Variants in ELOVL7 observed in about 807,000 individuals in gnomAD.
ELOVL7 encodes very long chain fatty acid elongase 7.
Under a neutral mutation model 35.7 loss-of-function variants are expected in ELOVL7, and 27 were observed. The ratio of observed to expected loss-of-function variants is 0.76; its 90% confidence interval spans 0.56 to 1.04. The LOEUF is 1.04. ELOVL7 is among the 50% of genes least tolerant of loss of function. ELOVL7 has a pLI of 0.00. For missense variants in ELOVL7, 327 were observed against 340.8 expected (o/e 0.96, Z 0.32); for synonymous variants, 113 against 114.6 (o/e 0.99, Z 0.09).
chr5:60,802,264 T>G (rs1744689976), intron 1 of ELOVL7, among the ~76,000 whole-genome samples: 2 of 152,000 alleles, frequency 1.3e-5, no homozygotes, highest in African/African-American at 2.4e-5. Flanking sequence ...ATATCCCTTA[T>G]GTCAGTGGTT....
At chr5:60,795,607 T>C (rs1335286535) in intron 2 of ELOVL7, among the ~76,000 whole-genome samples, 1 of 152,216 alleles carries the variant, frequency 6.6e-6, no homozygotes, top group Non-Finnish European at 1.5e-5. Flanking sequence ...AGCTGAACTT[T>C]CGCTCACCAT....
At chr5:60,783,104 C>T (rs1235884599) in intron 3 of ELOVL7, among the ~76,000 whole-genome samples, 1 of 152,126 alleles carries the variant, frequency 6.6e-6, no homozygotes, top group Non-Finnish European at 1.5e-5. Flanking sequence ...CCGTGATGAA[C>T]TGTCATAGTT....
chr5:60,824,108 G>A (rs1746034272), intron 1 of ELOVL7, among the ~76,000 whole-genome samples: 1 of 152,228 alleles, frequency 6.6e-6, no homozygotes, highest in Non-Finnish European at 1.5e-5. Flanking sequence ...GGGTATCCGT[G>A]CAGAGGATTA....
chr5:60,758,584 T>C (rs746547261), intron 7 of ELOVL7, among the ~76,000 whole-genome samples: 16 of 152,216 alleles, frequency 1.1e-4, no homozygotes, highest in Non-Finnish European at 4.4e-5. Flanking sequence ...GGTTTTCTTC[T>C]TCTCATTTCG....
At chr5:60,829,308 T>C (rs954764326) in intron 1 of ELOVL7, among the ~76,000 whole-genome samples, 8 of 152,180 alleles carry the variant, frequency 5.3e-5, no homozygotes, top group African/African-American at 1.9e-4. Context: ...TTAGCAATTG[T>C]TATTTCTGGT....
At chr5:60,791,955 C>T (rs575811619) in intron 2 of ELOVL7, among the ~76,000 whole-genome samples, 1 of 152,092 alleles carries the variant, frequency 6.6e-6, no homozygotes, top group Non-Finnish European at 1.5e-5. Flanking sequence ...ATTTTCCCCT[C>T]CCCAGTCCTC....
At chr5:60,779,881 C>A (rs954394861) in intron 3 of ELOVL7, among the ~76,000 whole-genome samples, 2 of 152,162 alleles carry the variant, frequency 1.3e-5, no homozygotes, top group African/African-American at 4.8e-5. Context: ...TTAGAAATTT[C>A]TTCTGCCAGA....
rs144912149 is a variant in ELOVL7, at chr5:60,805,470, G to T, written c.-85-6240C>A. On this transcript the variant is annotated intron_variant, in intron 1 of 8. Transcript: ENST00000508821. ...AGGCTAAATAATTTTTTTAGAGTTA[G>T]TTCTGTTGACCATGAGGAGTCATTA... is the stretch of plus-strand genomic sequence containing the variant. Among the ~76,000 whole-genome samples the T allele has an allele frequency of 1.2e-4, 18 of 152,310 alleles. No individual in the cohort carries two copies. In the East Asian group the frequency reaches 3.5e-3, roughly 29 times the overall value.
intron 8 of ELOVL7, 144 bp downstream of exon 8, chr5:60,757,365 C>T (rs967771378): frequency 3.0e-6 from 2 of 673,996 alleles, no homozygotes; most frequent in Non-Finnish European, 4.6e-6. Flanking sequence ...TATTAAGAAC[C>T]ATGATGGCAT....
In ELOVL7 at chr5:60,780,674, C is replaced by A. The variant is rs544988064; in HGVS notation, c.64+6660G>T. ...AAACTTACAATCATGACATAAGGCACCTCTTCACTGGGCAGCAGGAGAGAG... is the reference window on the plus strand; with the variant it reads ...AAACTTACAATCATGACATAAGGCAACTCTTCACTGGGCAGCAGGAGAGAG... On this transcript the variant is annotated intron_variant, in intron 3 of 8. Transcript: ENST00000508821. Among the ~76,000 whole-genome samples, 6 of 152,250 alleles carry A rather than the reference C, an allele frequency of 3.9e-5. No homozygotes were observed. The South Asian group carries it at 1.2e-3, about 32-fold the overall frequency.
At chr5:60,794,356 T>C (rs760690874) in intron 2 of ELOVL7, among the ~76,000 whole-genome samples, 20 of 152,262 alleles carry the variant, frequency 1.3e-4, no homozygotes, top group Non-Finnish European at 2.6e-4. Flanking sequence ...GTTAGCATGA[T>C]GTAGACCTAA....
intron 7 of ELOVL7, among the ~76,000 whole-genome samples, chr5:60,760,395 GT>G (rs1741829277): frequency 6.6e-6 from 1 of 152,136 alleles, no homozygotes; most frequent in Non-Finnish European, 1.5e-5. Context: ...GCTAGTGATG[GT>G]GAGCATTTTT....
chr5:60,840,646 G>T (rs936870535), intron 1 of ELOVL7, among the ~76,000 whole-genome samples: 5 of 152,178 alleles, frequency 3.3e-5, no homozygotes, highest in Non-Finnish European at 5.9e-5. Context: ...TTGAATTGCT[G>T]TTACTTCCTA....
chr5:60,808,685 A>G (rs2112312010), intron 1 of ELOVL7, among the ~76,000 whole-genome samples: 1 of 152,230 alleles, frequency 6.6e-6, no homozygotes, highest in East Asian at 1.9e-4. Flanking sequence ...GTTTATAGTG[A>G]CTTTATTCAT....
intron 1 of ELOVL7, among the ~76,000 whole-genome samples, chr5:60,802,135 C>T (rs1188494839): frequency 8.5e-5 from 11 of 129,050 alleles, no homozygotes; most frequent in African/African-American, 1.2e-4. Flanking sequence ...CACACACACA[C>T]ATATATCCTA....
chr5:60,780,426 TCC>T (rs1743177684), intron 3 of ELOVL7, among the ~76,000 whole-genome samples: 1 of 151,922 alleles, frequency 6.6e-6, no homozygotes, highest in Non-Finnish European at 1.5e-5. Context: ...GGCCAAACTT[TCC>T]CATATTTTCC....
At chr5:60,777,005 T>A (rs910832972) in intron 3 of ELOVL7, among the ~76,000 whole-genome samples, 2 of 150,542 alleles carry the variant, frequency 1.3e-5, no homozygotes, top group Non-Finnish European at 2.9e-5. Context: ...TTAAGAAAAA[T>A]ATTCAGATTT....
At chr5:60,817,822 G>GTA (rs1745618560) in intron 1 of ELOVL7, among the ~76,000 whole-genome samples, 1 of 146,536 alleles carries the variant, frequency 6.8e-6, no homozygotes, top group Non-Finnish European at 1.5e-5. Context: ...ATGTGTGTGT[G>GTA]TATATATATG....
intron 8 of ELOVL7, among the ~76,000 whole-genome samples, chr5:60,755,782 G>A (rs1052034429): frequency 2.0e-5 from 3 of 152,170 alleles, no homozygotes; most frequent in African/African-American, 4.8e-5. Flanking sequence ...AGTCCCAAGA[G>A]GGACCTTTTC....
Sources: allele counts gnomAD v4.1 joint callset (sites outside exome capture counted in the v4.1 genomes callset), GRCh38; gene constraint gnomAD v4.1.1; transcripts MANE v1.5; gene names NCBI Gene and HGNC (gene_info 2026-07-23, HGNC 2026-07-21).